RALGAPA2: variants seen among roughly 807,000 people sequenced by gnomAD.
RALGAPA2 encodes the protein ral GTPase-activating protein subunit alpha-2.
In RALGAPA2, 139 loss-of-function variants were observed where a neutral mutation model predicts 230.4. The ratio of observed to expected loss-of-function variants is 0.60; its 90% CI spans 0.53 to 0.69. The LOEUF (loss-of-function observed/expected upper bound fraction) is 0.69, where lower values mean the gene tolerates loss of function less well. Among genes scored for constraint, RALGAPA2 ranks in the 30% least tolerant of loss-of-function variants. RALGAPA2 has a pLI of 0.00. For synonymous variants in RALGAPA2, 847 were observed against 837.8 expected (o/e 1.01, Z -0.19); for missense variants, 2,163 against 2,276.0 (o/e 0.95, Z 1.01).
intron 9 of RALGAPA2, among the ~76,000 whole-genome samples, chr20:20,632,201 A>T (rs992076370): frequency 3.4e-5 from 5 of 148,650 alleles, no homozygotes; most frequent in Admixed American, 1.3e-4. Context: ...ATTTTTTTGT[A>T]TTTTTTTTTC....
At chr20:20,395,598 C>T (rs1052055719) in intron 39 of RALGAPA2, among the ~76,000 whole-genome samples, 1 of 152,114 alleles carries the variant, frequency 6.6e-6, no homozygotes, top group African/African-American at 2.4e-5. Flanking sequence ...AGCACCTGGG[C>T]TCTGAGGCTC....
intron 16 of RALGAPA2, among the ~76,000 whole-genome samples, chr20:20,592,071 T>C (rs1239164675): frequency 6.6e-6 from 1 of 152,198 alleles, no homozygotes; most frequent in Non-Finnish European, 1.5e-5. Flanking sequence ...CCACCCTCTC[T>C]TTCTAGAGTC....
intron 2 of RALGAPA2, among the ~76,000 whole-genome samples, chr20:20,677,873 C>G (rs978125011): frequency 2.0e-5 from 3 of 151,716 alleles, no homozygotes; most frequent in African/African-American, 7.3e-5. Context: ...GTCTTGATCT[C>G]CTGACCTCGT....
At chr20:20,451,021 C>G (rs1230813693) in intron 37 of RALGAPA2, among the ~76,000 whole-genome samples, 1 of 152,112 alleles carries the variant, frequency 6.6e-6, no homozygotes, top group African/African-American at 2.4e-5. Context: ...CTCTCAAACT[C>G]AAGGCAGTGA....
chr20:20,670,803 G>A (rs779358638), intron 3 of RALGAPA2, among the ~76,000 whole-genome samples: 19 of 151,854 alleles, frequency 1.3e-4, no homozygotes, highest in Non-Finnish European at 2.5e-4. Flanking sequence ...ATAACAATTA[G>A]CCGGGCACGG....
chr20:20,584,621 A>G (rs2065079392), intron 19 of RALGAPA2, among the ~76,000 whole-genome samples: 1 of 152,152 alleles, frequency 6.6e-6, no homozygotes, highest in African/African-American at 2.4e-5. Flanking sequence ...CTCTATAAAA[A>G]ATAGAAAAAT....
chr20:20,540,721 T>A (rs942967196), intron 24 of RALGAPA2, among the ~76,000 whole-genome samples: 2 of 152,182 alleles, frequency 1.3e-5, no homozygotes, highest in African/African-American at 4.8e-5. Flanking sequence ...CATCTTTGAT[T>A]TGAGTAGTCT....
chr20:20,459,470 A>G (rs1208956680), intron 37 of RALGAPA2, among the ~76,000 whole-genome samples: 1 of 151,422 alleles, frequency 6.6e-6, no homozygotes, highest in Non-Finnish European at 1.5e-5. Context: ...GTAATAAGAA[A>G]AAGCCTGCAG....
intron 26 of RALGAPA2, among the ~76,000 whole-genome samples, chr20:20,532,169 TTTGTAA>T (rs1235481426): frequency 2.0e-5 from 3 of 152,282 alleles, no homozygotes; most frequent in Admixed American, 2.0e-4. Flanking sequence ...AAAAATTGTG[TTTGTAA>T]TTGTTTTCTT....
At chr20:20,498,591 C>G (rs1176925998) in intron 35 of RALGAPA2, among the ~76,000 whole-genome samples, 1 of 152,172 alleles carries the variant, frequency 6.6e-6, no homozygotes, top group African/African-American at 2.4e-5. Context: ...GTGGGCCCGG[C>G]TGCTACTTTT....
rs528678827 is a variant in RALGAPA2, at chr20:20,396,587, C to T, written c.*35+108G>A. 7.2e-5 allele frequency: 75 copies of T among 1,040,356 alleles called. No individual in the cohort carries two copies. In the East Asian group the frequency reaches 1.2e-3, roughly 16 times the overall value. The allele number at this position is 1,040,356 out of a possible 1,614,324, so 64.4% of individuals were successfully genotyped here. On this transcript the variant is annotated intron_variant, in intron 39 of 39. Coordinates refer to ENST00000202677, the MANE Select transcript of RALGAPA2 (RefSeq NM_020343.4). ...CCGGGGAGGGGAAGGCCCAGGAGGG[C>T]GAGGAGCACTGATGCAGGGTCCGCT...
intron 36 of RALGAPA2, among the ~76,000 whole-genome samples, chr20:20,490,574 T>C (rs374072409): frequency 6.6e-6 from 1 of 152,174 alleles, no homozygotes; most frequent in Admixed American, 6.5e-5. Context: ...TTGGCTGTGA[T>C]TGGGATAAAT....
intron 20 of RALGAPA2, among the ~76,000 whole-genome samples, chr20:20,575,531 A>AGAACCC (rs201596978): frequency 0.011 from 1,696 of 152,162 alleles, 16 homozygotes; most frequent in Non-Finnish European, 0.014. Flanking sequence ...ACTCCAAGCC[A>AGAACCC]GAACCCGCCT....
intron 37 of RALGAPA2, among the ~76,000 whole-genome samples, chr20:20,452,624 G>A (rs1305815979): frequency 6.6e-6 from 1 of 152,168 alleles, no homozygotes; most frequent in Non-Finnish European, 1.5e-5. Flanking sequence ...AGCGAGGAGC[G>A]TGGATGCTAA....
At chr20:20,433,216 GT>G (rs2060535728) in intron 37 of RALGAPA2, among the ~76,000 whole-genome samples, 1 of 152,192 alleles carries the variant, frequency 6.6e-6, no homozygotes, top group Non-Finnish European at 1.5e-5. Flanking sequence ...AGAAAGTATT[GT>G]TACTCTCACT....
At chr20:20,569,239 G>A (rs538997445) in intron 23 of RALGAPA2, among the ~76,000 whole-genome samples, 59 of 152,058 alleles carry the variant, frequency 3.9e-4, no homozygotes, top group Non-Finnish European at 7.2e-4. Flanking sequence ...GGTCTTCTGC[G>A]TAATTTTCAT....
chr20:20,397,911 T>G (rs917197917), intron 38 of RALGAPA2, among the ~76,000 whole-genome samples: 4 of 152,198 alleles, frequency 2.6e-5, no homozygotes, highest in African/African-American at 9.7e-5. Context: ...TGGTTTGATT[T>G]CCAACCACCG....
chr20:20,635,045 A>G (rs2066811819), intron 9 of RALGAPA2, among the ~76,000 whole-genome samples: 1 of 152,136 alleles, frequency 6.6e-6, no homozygotes. Context: ...GGCCACTTAC[A>G]GTTTCCTAAG....
chr20:20,590,779 C>T (rs779157474), intron 17 of RALGAPA2, among the ~76,000 whole-genome samples: 2 of 152,102 alleles, frequency 1.3e-5, no homozygotes, highest in Admixed American at 6.5e-5. Context: ...TCAACTTTAA[C>T]GGCTCTTCTC....
Sources: gnomAD v4.1 joint callset for allele counts (sites outside exome capture counted in the v4.1 genomes callset) on GRCh38, gnomAD v4.1.1 for gene constraint, MANE v1.5 for transcripts, NCBI Gene and HGNC (gene_info 2026-07-23, HGNC 2026-07-21) for gene names.